Variants in MAP3K14 observed in about 807,000 individuals in gnomAD.
MAP3K14 encodes NF-kappa-beta-inducing kinase.
Under a neutral mutation model 99.2 loss-of-function variants are expected in MAP3K14, and 16 were observed. The observed-to-expected ratio is 0.16, with a 90% CI of 0.11 to 0.24. The LOEUF (loss-of-function observed/expected upper bound fraction) is 0.24. Among genes scored for constraint, MAP3K14 ranks in the 10% least tolerant of loss-of-function variants. MAP3K14 has a pLI of 1.00. For missense variants in MAP3K14, 784 were observed against 1,208.7 expected (o/e 0.65, Z 5.21); for synonymous variants, 462 against 492.4 (o/e 0.94, Z 0.82).
Position 45,267,344 on chromosome 17 carries a change from G to C in MAP3K14, c.2326+62C>G, listed in dbSNP as rs554658901. The C allele has an allele frequency of 6.7e-7, 1 of 1,501,370 alleles. No homozygotes were observed. Among genetic ancestry groups the C allele is most frequent in the East Asian group, 2.5e-5 (1 of 40,662 alleles). 93.0% of individuals were successfully genotyped at this position (1,501,370 alleles called of 1,614,324 possible). A position where few individuals can be genotyped will look rare whatever the true frequency, so the allele number is the denominator to read the frequency against. On this transcript the variant is annotated intron_variant, in intron 12 of 15. Coordinates refer to ENST00000344686, the MANE Select transcript of MAP3K14 (RefSeq NM_003954.5). This position sits in a 1 kb window ranked among gnomAD's most constrained non-coding sequence, Gnocchi z 5.1. ...CACACCGCAGGTAAAGAGAAACACCGGCCTCCGCGGGTGGCCCAGGGCCAG... is the reference window on the plus strand; with the variant it reads ...CACACCGCAGGTAAAGAGAAACACCCGCCTCCGCGGGTGGCCCAGGGCCAG...
chr17:45,303,397 C>A (rs888708407), intron 1 of MAP3K14, among the ~76,000 whole-genome samples: 17 of 152,198 alleles, frequency 1.1e-4, no homozygotes, highest in African/African-American at 4.1e-4. Flanking sequence ...CTCGTCTCTA[C>A]TAAAAATACA....
intron 2 of MAP3K14, among the ~76,000 whole-genome samples, chr17:45,290,089 T>C (rs1366237731): frequency 6.6e-6 from 1 of 152,180 alleles, no homozygotes; most frequent in Non-Finnish European, 1.5e-5. Context: ...GGGCCACCTC[T>C]AGGTGGAAGA....
rs1322685325 is a variant in MAP3K14 at position 45,292,411 on chromosome 17, C to CA, written c.-20-1647dup. Among the ~76,000 whole-genome samples the CA allele has an allele frequency of 3.3e-5, 5 of 152,056 alleles. No homozygotes were observed. The East Asian group carries it at 9.7e-4, about 29-fold the overall frequency. ...GGAACCCTGTCTCTACAAAAAAATA[C>CA]AAAAAATTAGCTGGGGTAGCTGGCC... On this transcript the variant is annotated intron_variant, in intron 1 of 15. Transcript: ENST00000344686.
intron 1 of MAP3K14, among the ~76,000 whole-genome samples, chr17:45,305,185 C>A (rs2044421660): frequency 6.6e-6 from 1 of 151,960 alleles, no homozygotes; most frequent in Non-Finnish European, 1.5e-5. Flanking sequence ...GCAAGCTCTG[C>A]CTGCCGGGTT....
chr17:45,290,360 G>T, intron 2 of MAP3K14, 130 bp downstream of exon 2: 1 of 1,175,054 alleles, frequency 8.5e-7, no homozygotes. Flanking sequence ...CAGACCTCTG[G>T]TTGTGTCTCA....
chr17:45,271,710 G>A (rs1054395265), intron 9 of MAP3K14, among the ~76,000 whole-genome samples: 2 of 152,170 alleles, frequency 1.3e-5, no homozygotes, highest in African/African-American at 4.8e-5. Flanking sequence ...GGAGCTAGGC[G>A]GGGACTCTGC....
chr17:45,312,815 G>C (rs1375656640), intron 1 of MAP3K14, among the ~76,000 whole-genome samples: 4 of 152,240 alleles, frequency 2.6e-5, no homozygotes, highest in African/African-American at 9.6e-5. Context: ...GAGGGGGAAA[G>C]GGTGGTGAGC....
At chr17:45,266,723 C>G (rs773846334) in intron 13 of MAP3K14, 42 bp from the exon 14 acceptor site, 15 of 1,573,476 alleles carry the variant, frequency 9.5e-6, no homozygotes, top group Non-Finnish European at 1.3e-5. Context: ...GCCCTGGGCT[C>G]CAGGATCCAT....
chr17:45,307,206 C>T (rs769391298), intron 1 of MAP3K14, among the ~76,000 whole-genome samples: 11 of 151,480 alleles, frequency 7.3e-5, no homozygotes, highest in African/African-American at 2.4e-4. Context: ...TGCAGTGAGC[C>T]GAGATTGTGC....
rs879475374 is a variant in MAP3K14, at chr17:45,279,439, C to CT, written c.1291-4847dup. Among the ~76,000 whole-genome samples the CT allele has an allele frequency of 4.3e-3, 591 of 136,224 alleles. 1 individual carries two copies. The highest frequency in any genetic ancestry group is 7.1e-3 in the Non-Finnish European group (448 of 62,912). The allele number at this position is 136,224 out of a possible 152,430, so 89.4% of individuals were successfully genotyped here. ...ACCACACCCAGCCTTCTTTGGTATT[C>CT]TTTTTTTTTTTGAGACGGAGTCTCA... is the stretch of plus-strand genomic sequence containing the variant. On this transcript the variant is annotated intron_variant, in intron 6 of 15. Coordinates refer to ENST00000344686, the MANE Select transcript of MAP3K14 (RefSeq NM_003954.5).
intron 6 of MAP3K14, among the ~76,000 whole-genome samples, chr17:45,283,796 A>G (rs2044242093): frequency 1.3e-5 from 2 of 152,164 alleles, no homozygotes; most frequent in Admixed American, 1.3e-4. Context: ...TATATCTCAG[A>G]GCTTACTTCA....
At chr17:45,273,379 G>T (rs2044154511) in intron 9 of MAP3K14, 124 bp downstream of exon 9, 2 of 683,216 alleles carry the variant, frequency 2.9e-6, no homozygotes, top group Non-Finnish European at 2.6e-6. Flanking sequence ...ATCCAGGCTG[G>T]TTGCGGGGCT....
At chr17:45,270,734 C>A in intron 10 of MAP3K14, 171 bp from the exon 11 acceptor site, 3 of 990,906 alleles carry the variant, frequency 3.0e-6, no homozygotes, top group South Asian at 3.5e-5. Context: ...AGGAAAGGGA[C>A]AAATGGAGCC....
In MAP3K14 at chr17:45,264,502, G is replaced by C. The variant is rs529117696; in HGVS notation, c.*134C>G. The C allele has an allele frequency of 3.5e-6, 4 of 1,131,942 alleles. No homozygotes were observed. In the African/African-American group the frequency reaches 4.7e-5, roughly 13 times the overall value. The allele number at this position is 1,131,942 out of a possible 1,614,324, so 70.1% of individuals were successfully genotyped here. A position where few individuals can be genotyped will look rare whatever the true frequency, so the allele number is the denominator to read the frequency against. ...CTGCTTGCCCCCACCTTGCTGCTGC[G>C]AGGCCCTGGTCCCACTGCTGAGCCG... On this transcript the variant is annotated 3_prime_UTR_variant, in exon 16 of 16. Coordinates refer to ENST00000344686, the MANE Select transcript of MAP3K14 (RefSeq NM_003954.5).
chr17:45,294,657 A>AT (rs2044334751), intron 1 of MAP3K14, among the ~76,000 whole-genome samples: 1 of 152,218 alleles, frequency 6.6e-6, no homozygotes, highest in Admixed American at 6.5e-5. Context: ...GAATAACCAG[A>AT]TAAGTTCTTT....
chr17:45,267,402 G>A lies in MAP3K14; in HGVS notation c.2326+4C>T, dbSNP rs56907763. ...GGCCCCACTGCAGCCACGGCTGCCCGTACCTATTTCCAGCTGCTGCAGTTC... is the reference window on the plus strand; with the variant it reads ...GGCCCCACTGCAGCCACGGCTGCCCATACCTATTTCCAGCTGCTGCAGTTC... On this transcript the variant is annotated splice_donor_region_variant and intron_variant, in intron 12 of 15. Transcript: ENST00000344686. This position sits in a 1 kb window ranked among gnomAD's most constrained non-coding sequence, Gnocchi z 5.1. The A allele has an allele frequency of 1.0e-4, 161 of 1,582,224 alleles. No homozygotes were observed. In the African/African-American group the frequency reaches 1.8e-3, roughly 18 times the overall value.
At chr17:45,277,150 TTTA>T (rs2044187170) in intron 6 of MAP3K14, among the ~76,000 whole-genome samples, 3 of 152,156 alleles carry the variant, frequency 2.0e-5, no homozygotes, top group African/African-American at 7.2e-5. Flanking sequence ...TCTTCTTTTT[TTTA>T]ATTTTATTTA....
chr17:45,296,342 T>C (rs750392702), intron 1 of MAP3K14, among the ~76,000 whole-genome samples: 1 of 151,862 alleles, frequency 6.6e-6, no homozygotes, highest in Non-Finnish European at 1.5e-5. Flanking sequence ...CTGGACAACA[T>C]AGTGAGACTT....
rs778232675 is a variant in MAP3K14 at position 45,287,326 on chromosome 17, G to A, written c.365C>T (p.Ala122Val). 1.9e-6 allele frequency: 3 copies of A among 1,614,024 alleles called. No homozygotes were observed. Among genetic ancestry groups the A allele is most frequent in the Non-Finnish European group, 8.5e-7 (1 of 1,179,896 alleles). ...GGCCATTTTGCCCTCTGTAGCATGG[G>A]CCACATTGTTGGGGATCTGATCAAG... Reference protein sequence around the residue: ...ESLDQIPNNVAHATEGKMARV... With the variant: ...ESLDQIPNNVVHATEGKMARV... Residue 122 changes from alanine to valine, a missense_variant, in exon 4 of 16, where the codon GCC becomes GTC. By Grantham distance (64) the Ala-to-Val change is moderately conservative (BLOSUM62 0). Coordinates refer to ENST00000344686, the MANE Select transcript of MAP3K14 (RefSeq NM_003954.5).
Sources: allele counts gnomAD v4.1 joint callset (sites outside exome capture counted in the v4.1 genomes callset), GRCh38; gene constraint gnomAD v4.1.1; non-coding constraint Gnocchi (gnomAD v3.1); transcripts MANE v1.5; gene names NCBI Gene and HGNC (gene_info 2026-07-23, HGNC 2026-07-21).